The following NTRK1 variants were observed in gnomAD, a reference collection of about 807,000 sequenced individuals.
NTRK1 encodes neurotrophic receptor tyrosine kinase 1, also known as high affinity nerve growth factor receptor.
A neutral mutation model predicts 86.8 loss-of-function variants in NTRK1; 62 were observed. The ratio of observed to expected loss-of-function variants is 0.71; its 90% CI spans 0.58 to 0.88. The LOEUF is 0.88. NTRK1 is among the 40% of genes least tolerant of loss of function. The probability of loss-of-function intolerance (pLI) is 0.00; values close to 1 mark genes in which losing one functional copy is unlikely to be tolerated. For missense variants in NTRK1, 967 were observed against 1,078.4 expected (o/e 0.90, Z 1.45); for synonymous variants, 469 against 456.6 (o/e 1.03, Z -0.35).
In NTRK1 at chr1:156,874,266, C is replaced by G. The variant is rs540713556; in HGVS notation, c.1178-117C>G. ...AGGCCCAGCAGCCCACCTCCATCCC[C>G]CCTCGTCCCATGAAGGAATGAGTCC... On this transcript the variant is annotated intron_variant, in intron 8 of 16. Coordinates refer to ENST00000524377, the MANE Select transcript of NTRK1 (RefSeq NM_002529.4). The G allele has an allele frequency of 7.3e-5, 109 of 1,484,802 alleles. 1 individual carries two copies. The African/African-American group carries it at 1.2e-3, about 16-fold the overall frequency. 92.0% of individuals were successfully genotyped at this position (1,484,802 alleles called of 1,614,324 possible).
At position 156,879,237 on chromosome 1, in the gene NTRK1, CTGG is replaced by C. The variant is rs1476276575; in HGVS notation, c.1922_1924del (p.Leu641_Ala642delinsPro). On this transcript the variant is annotated inframe_deletion, in exon 15 of 17. Transcript: ENST00000524377. Reference sequence around the variant, plus strand: ...CCAGGTCGCTGCGGGGATGGTGTACCTGGCGGGTCTGCATTTTGTGCACCGGGA... The same window carrying C: ...CCAGGTCGCTGCGGGGATGGTGTACCCGGGTCTGCATTTTGTGCACCGGGA... The C allele has an allele frequency of 6.2e-7, 1 of 1,614,112 alleles. No individual in the cohort carries two copies. The highest frequency in any genetic ancestry group is 1.7e-5 in the Admixed American group (1 of 60,024).
chr1:156,840,766 C>A, intron 1 of NTRK1: 1 of 862,694 alleles, frequency 1.2e-6, no homozygotes, highest in Non-Finnish European at 1.9e-6. Flanking sequence ...CCTCGGCCAT[C>A]CCTTGCCCTG....
In NTRK1 at chr1:156,868,605, C is replaced by T. The variant is rs1407589933; in HGVS notation, c.675C>T (p.Ala225=). ...TGGAGGGGCGGGGCCTGGAGCAGGCCGGCTGGATCCTCACAGAGCTGGAGC... is the reference window on the plus strand; with the variant it reads ...TGGAGGGGCGGGGCCTGGAGCAGGCTGGCTGGATCCTCACAGAGCTGGAGC... ...CQVEGRGLEQ[A]GWILTELEQS... The change falls in exon 6 of 17, where the codon GCC becomes GCT. Residue 225 remains alanine, a synonymous_variant. Transcript: ENST00000524377. 15 of 1,550,924 alleles carry T rather than the reference C, an allele frequency of 9.7e-6. No homozygotes were observed. Among genetic ancestry groups the T allele is most frequent in the East Asian group, 7.3e-5 (3 of 40,934 alleles).
upstream of NTRK1, among the ~76,000 whole-genome samples, chr1:156,855,918 C>CGTGTGT (rs57540966): frequency 2.7e-5 from 4 of 149,374 alleles, no homozygotes; most frequent in African/African-American, 7.4e-5. Flanking sequence ...GACTAATGTG[C>CGTGTGT]GTGTGTGTGT....
upstream of NTRK1, chr1:156,860,803 G>A (rs879805738): frequency 1.6e-4 from 216 of 1,328,748 alleles, 1 homozygote; most frequent in Admixed American, 1.4e-3. Flanking sequence ...CCGGGCGGGG[G>A]CCGCTGGCTC....
At position 156,854,184 on chromosome 1, in the gene NTRK1, G is replaced by A. The variant is rs143369504; in HGVS notation, c.51-10170G>A. On this transcript the variant is annotated intron_variant, in intron 2 of 16. Coordinates refer to the NTRK1 transcript ENST00000392302. The surrounding 1 kb of genome is among the most constrained non-coding windows in gnomAD (Gnocchi z 4.2). The stretch of plus-strand genomic sequence containing the variant: ...GTGAGGCGAGGGAAGCTGAGGCCGC[G>A]GAAGTCCTCCCCGGTGGCTGTGAAC... 3.5e-5 allele frequency: 57 copies of A among 1,614,008 alleles called. No individual in the cohort carries two copies. In the African/African-American group the frequency reaches 4.4e-4, roughly 12 times the overall value.
At chr1:156,880,278 T>C in intron 16 of NTRK1, 121 bp downstream of exon 16, 1 of 1,030,896 alleles carries the variant, frequency 9.7e-7, no homozygotes, top group Non-Finnish European at 1.5e-6. Context: ...GGGGGCCCTT[T>C]CCAGCGCCGT....
chr1:156,855,269 T>G (rs1305356676), intron 2 of NTRK1, among the ~76,000 whole-genome samples: 1 of 152,012 alleles, frequency 6.6e-6, no homozygotes, highest in Non-Finnish European at 1.5e-5. Context: ...AGTGGCACAA[T>G]CTCAGCTCAC....
intron 15 of NTRK1, 50 bp from the exon 16 acceptor site, chr1:156,879,949 C>T (rs200497134): frequency 3.1e-5 from 50 of 1,606,428 alleles, no homozygotes; most frequent in East Asian, 8.9e-5. Flanking sequence ...TGTGCCTTGA[C>T]GGGCTGTCCC....
At chr1:156,864,100 A>G (rs1655811018) in intron 1 of NTRK1, among the ~76,000 whole-genome samples, 1 of 151,984 alleles carries the variant, frequency 6.6e-6, no homozygotes, top group Admixed American at 6.5e-5. Context: ...CATATGTGTG[A>G]GGGTGTGGGG....
intron 1 of NTRK1, among the ~76,000 whole-genome samples, chr1:156,821,649 A>G (rs1654195366): frequency 6.6e-6 from 1 of 152,192 alleles, no homozygotes; most frequent in African/African-American, 2.4e-5. Context: ...AGACGCAAAC[A>G]ATGTTACTGC....
At chr1:156,842,178 A>G in exon 2 of NTRK1, 1 of 1,613,428 alleles carries the variant, frequency 6.2e-7, no homozygotes, top group Non-Finnish European at 8.5e-7. Flanking sequence ...CGGTGCACAA[A>G]CTTGTTGGCA....
At chr1:156,864,206 C>T (rs569734263) in intron 1 of NTRK1, 148 bp from the exon 2 acceptor site, 161 of 736,080 alleles carry the variant, frequency 2.2e-4, no homozygotes, top group African/African-American at 1.3e-3. Flanking sequence ...TGTGTGTGCA[C>T]GCCTGTGTAA....
intron 1 of NTRK1, among the ~76,000 whole-genome samples, chr1:156,823,473 T>C (rs1277203030): frequency 6.6e-6 from 1 of 152,160 alleles, no homozygotes; most frequent in Non-Finnish European, 1.5e-5. Flanking sequence ...TGAAATGGGT[T>C]CCTTGGTCTG....
At position 156,881,726 on chromosome 1, in the gene NTRK1, G is replaced by C. The variant is rs1403216931; in HGVS notation, c.*84G>C. 26 of 1,368,664 alleles carry C rather than the reference G, an allele frequency of 1.9e-5. No homozygotes were observed. The highest frequency in any genetic ancestry group is 2.0e-6 in the Non-Finnish European group (2 of 1,018,900). The allele number at this position is 1,368,664 out of a possible 1,614,324, so 84.8% of individuals were successfully genotyped here. A position where few individuals can be genotyped will look rare whatever the true frequency, so the allele number is the denominator to read the frequency against. On this transcript the variant is annotated 3_prime_UTR_variant, in exon 17 of 17. Coordinates refer to ENST00000524377, the MANE Select transcript of NTRK1 (RefSeq NM_002529.4). ...CCCCCATAGCTCCCAGCAGCCCCAG[G>C]GTGATCTCAAAGTATCTAATTCACC...
rs55694053 is a variant in NTRK1 at position 156,841,679 on chromosome 1, G to A, written c.-63-402G>A. The A allele has an allele frequency of 7.9e-4, 1,275 of 1,614,036 alleles. 3 individuals carry two copies. Among genetic ancestry groups the A allele is most frequent in the Non-Finnish European group, 9.8e-4 (1,159 of 1,179,948 alleles). Reference sequence around the variant, plus strand: ...CTCGGCCCCACCAGACATCCGAGTGGGTGGTGAAGATCCCATCTTTGAGGG... The same window carrying A: ...CTCGGCCCCACCAGACATCCGAGTGAGTGGTGAAGATCCCATCTTTGAGGG... On this transcript the variant is annotated intron_variant, in intron 1 of 16. Transcript: ENST00000392302.
chr1:156,859,803 C>T (rs2102876984), upstream of NTRK1, among the ~76,000 whole-genome samples: 1 of 152,284 alleles, frequency 6.6e-6, no homozygotes, highest in African/African-American at 2.4e-5. This position sits in a 1 kb window ranked among gnomAD's most constrained non-coding sequence, Gnocchi z 6.2. Flanking sequence ...TCCCCCGCTC[C>T]CTGGGGCCTT....
intron 3 of NTRK1, among the ~76,000 whole-genome samples, chr1:156,865,876 C>T (rs1655907376): frequency 6.6e-6 from 1 of 152,210 alleles, no homozygotes; most frequent in Non-Finnish European, 1.5e-5. Flanking sequence ...TCTGCTGTGT[C>T]CAGCAATTTA....
intron 2 of NTRK1, chr1:156,846,582 C>T (rs1275032854): frequency 1.2e-6 from 2 of 1,614,232 alleles, no homozygotes; most frequent in Non-Finnish European, 1.7e-6. Context: ...CTGTCCTCCT[C>T]AGTGGTTAGC....
Sources: gnomAD v4.1 joint callset for allele counts (sites outside exome capture counted in the v4.1 genomes callset) on GRCh38, gnomAD v4.1.1 for gene constraint, Gnocchi (gnomAD v3.1) non-coding constraint, MANE v1.5 for transcripts, NCBI Gene and HGNC (gene_info 2026-07-23, HGNC 2026-07-21) for gene names.